The following NT5E variants were observed in gnomAD, a reference collection of about 807,000 sequenced individuals.
NT5E encodes 5'-nucleotidase.
NT5E carries 53 observed loss-of-function variants against 55.1 expected under a neutral mutation model. That is an observed-to-expected ratio of 0.96 (90% CI 0.77 to 1.21). The LOEUF (loss-of-function observed/expected upper bound fraction) is 1.21, where lower values mean the gene tolerates loss of function less well. Ranked by LOEUF, NT5E falls within the 50% of genes most tolerant of loss-of-function variation. The probability of loss-of-function intolerance (pLI) is 0.00; values close to 1 mark genes in which losing one functional copy is unlikely to be tolerated. For synonymous variants in NT5E, 270 were observed against 278.4 expected (o/e 0.97, Z 0.30); for missense variants, 683 against 724.3 (o/e 0.94, Z 0.65).
chr6:85,483,966 A>G lies in NT5E; in HGVS notation c.752-1269A>G, dbSNP rs138363528. ...AGTCTGCCTCCTCCCAACCCTCATC[A>G]CATACCAGCTGTGTGACCGTGGGTA... On this transcript the variant is annotated intron_variant, in intron 3 of 8. Coordinates refer to ENST00000257770, the MANE Select transcript of NT5E (RefSeq NM_002526.4). 2.2e-3 allele frequency among the ~76,000 whole-genome samples: 330 copies of G among 152,254 alleles called. 1 individual carries two copies. The highest frequency in any genetic ancestry group is 3.7e-3 in the Non-Finnish European group (250 of 68,024).
intron 1 of NT5E, among the ~76,000 whole-genome samples, chr6:85,456,153 A>G (rs1768986271): frequency 6.6e-6 from 1 of 152,112 alleles, no homozygotes; most frequent in African/African-American, 2.4e-5. Context: ...CCCCTAAACA[A>G]CCAGATTCAG....
chr6:85,466,161 C>A (rs1481761469), intron 1 of NT5E, among the ~76,000 whole-genome samples: 1 of 152,058 alleles, frequency 6.6e-6, no homozygotes, highest in African/African-American at 2.4e-5. Flanking sequence ...TGCATGGATT[C>A]CCTCCACTCC....
At chr6:85,473,879 C>A (rs538019117) in intron 3 of NT5E, among the ~76,000 whole-genome samples, 28 of 152,270 alleles carry the variant, frequency 1.8e-4, no homozygotes, top group African/African-American at 6.3e-4. Context: ...CCTGTGTTCC[C>A]CTTGACTTGT....
At chr6:85,492,422 T>C (rs1769805990) in intron 8 of NT5E, among the ~76,000 whole-genome samples, 1 of 152,222 alleles carries the variant, frequency 6.6e-6, no homozygotes, top group Admixed American at 6.5e-5. Context: ...GTTTTAAAAT[T>C]CTTTTAACTA....
At chr6:85,460,486 G>A (rs1225665267) in intron 1 of NT5E, among the ~76,000 whole-genome samples, 2 of 152,168 alleles carry the variant, frequency 1.3e-5, no homozygotes, top group Non-Finnish European at 2.9e-5. Context: ...AATGGTAGAG[G>A]TAATACTTTT....
rs1407548565 is a variant in NT5E at position 85,482,255 on chromosome 6, G to A, written c.752-2980G>A. ...CATGCCTATAAGCCCAGCACTTTTG[G>A]AGGCCAAGGCGAGAGGACTGCTTGA... is the stretch of plus-strand genomic sequence containing the variant. On this transcript the variant is annotated intron_variant, in intron 3 of 8. Coordinates refer to ENST00000257770, the MANE Select transcript of NT5E (RefSeq NM_002526.4). 5.3e-5 allele frequency among the ~76,000 whole-genome samples: 8 copies of A among 152,076 alleles called. No individual in the cohort carries two copies. The East Asian group carries it at 1.5e-3, about 29-fold the overall frequency.
intron 7 of NT5E, chr6:85,490,911 G>A (rs1241905479): frequency 3.6e-6 from 2 of 561,236 alleles, no homozygotes; most frequent in Non-Finnish European, 6.5e-6. Flanking sequence ...CATCAGATGG[G>A]CCCTCTAAGC....
chr6:85,483,794 C>T (rs1769594501), intron 3 of NT5E, among the ~76,000 whole-genome samples: 1 of 152,134 alleles, frequency 6.6e-6, no homozygotes, highest in African/African-American at 2.4e-5. Context: ...GAGCTTGGGA[C>T]ACAAAGATGC....
rs1440013305 is a variant in NT5E, at chr6:85,467,785, T to C, written c.562+503T>C. On this transcript the variant is annotated intron_variant, in intron 2 of 8. Coordinates refer to ENST00000257770, the MANE Select transcript of NT5E (RefSeq NM_002526.4). ...TATCTGACTTTCTGGGAAATATATATAGTGGTCTTATGATATATATGGATA... is the reference window on the plus strand; with the variant it reads ...TATCTGACTTTCTGGGAAATATATACAGTGGTCTTATGATATATATGGATA... 5.3e-5 allele frequency among the ~76,000 whole-genome samples: 8 copies of C among 152,066 alleles called. No individual in the cohort carries two copies. In the East Asian group the frequency reaches 1.5e-3, roughly 29 times the overall value.
chr6:85,450,352 C>A lies in NT5E; in HGVS notation c.213C>A (p.Ile71=). 1 of 1,593,930 alleles carries A rather than the reference C, an allele frequency of 6.3e-7. No homozygotes were observed. The highest frequency in any genetic ancestry group is 8.5e-7 in the Non-Finnish European group (1 of 1,171,576). Residue 71 remains isoleucine (I), a synonymous_variant, in exon 1 of 9, where the codon ATC becomes ATA. Coordinates refer to ENST00000257770, the MANE Select transcript of NT5E (RefSeq NM_002526.4). The surrounding 1 kb of genome is among the most constrained non-coding windows in gnomAD (Gnocchi z 4.0). ...VARLFTKVQQ[I]RRAEPNVLLL... Reference sequence around the variant, plus strand: ...GGCTCTTCACCAAGGTTCAGCAGATCCGCCGCGCCGAACCCAACGTGCTGC... The same window carrying A: ...GGCTCTTCACCAAGGTTCAGCAGATACGCCGCGCCGAACCCAACGTGCTGC...
At chr6:85,489,639 C>A in intron 6 of NT5E, 40 bp downstream of exon 6, 1 of 1,389,038 alleles carries the variant, frequency 7.2e-7, no homozygotes, top group South Asian at 1.2e-5. Context: ...GTCATGTTCT[C>A]TCTCTGATCT....
intron 3 of NT5E, among the ~76,000 whole-genome samples, chr6:85,481,570 G>A (rs1012400571): frequency 2.0e-5 from 3 of 152,138 alleles, no homozygotes; most frequent in Non-Finnish European, 4.4e-5. Flanking sequence ...CTTTACAGAT[G>A]AATAAACAAG....
rs76596867 is a variant in NT5E, at chr6:85,467,335, C to T, written c.562+53C>T. ...GCTTGAAAATAGATGCCCTAAATCA[C>T]AGCTTGGCATTATATTTATGGACTG... is the stretch of plus-strand genomic sequence containing the variant. On this transcript the variant is annotated intron_variant, in intron 2 of 8. Transcript: ENST00000257770. 2.3e-3 allele frequency: 3,320 copies of T among 1,425,602 alleles called. 48 individuals carry two copies. The African/African-American group carries it at 0.038, about 16-fold the overall frequency. The allele number at this position is 1,425,602 out of a possible 1,614,324, so 88.3% of individuals were successfully genotyped here. A position where few individuals can be genotyped will look rare whatever the true frequency, so the allele number is the denominator to read the frequency against.
chr6:85,473,386 T>C (rs1199191965), intron 3 of NT5E, among the ~76,000 whole-genome samples: 1 of 152,182 alleles, frequency 6.6e-6, no homozygotes, highest in Non-Finnish European at 1.5e-5. Context: ...GCTGTTCTTA[T>C]TTTAGTTATG....
rs577352571 is a variant in NT5E, at chr6:85,467,384, G to T, written c.562+102G>T. The T allele has an allele frequency of 5.4e-6, 5 of 925,712 alleles. No individual in the cohort carries two copies. The East Asian group carries it at 1.3e-4, about 24-fold the overall frequency. 57.3% of individuals were successfully genotyped at this position (925,712 alleles called of 1,614,324 possible). ...TGTAGATAAAAGTAGGAACAACTGG[G>T]TAAATAGTGCACTAGAATAACACTG... is the stretch of plus-strand genomic sequence containing the variant. On this transcript the variant is annotated intron_variant, in intron 2 of 8. Coordinates refer to ENST00000257770, the MANE Select transcript of NT5E (RefSeq NM_002526.4).
chr6:85,464,685 A>G (rs1769156807), intron 1 of NT5E, among the ~76,000 whole-genome samples: 1 of 152,228 alleles, frequency 6.6e-6, no homozygotes, highest in Non-Finnish European at 1.5e-5. Flanking sequence ...TCTGGCAGCA[A>G]TATAAAGAAT....
intron 1 of NT5E, among the ~76,000 whole-genome samples, chr6:85,454,509 T>C (rs182854195): frequency 3.3e-5 from 5 of 152,372 alleles, no homozygotes; most frequent in Admixed American, 2.6e-4. Context: ...TTGGTATTTT[T>C]TAAATTGGGT....
chr6:85,481,487 G>T (rs542341187), intron 3 of NT5E, among the ~76,000 whole-genome samples: 1 of 152,168 alleles, frequency 6.6e-6, no homozygotes, highest in African/African-American at 2.4e-5. Flanking sequence ...GTCGAGTCAG[G>T]CTTCACTTGC....
chr6:85,471,401 C>A lies in NT5E; in HGVS notation c.727C>A (p.His243Asn). The A allele has an allele frequency of 3.1e-6, 5 of 1,612,748 alleles. No individual in the cohort carries two copies. The highest frequency in any genetic ancestry group is 4.2e-6 in the Non-Finnish European group (5 of 1,179,122). Residue 243 changes from histidine (H) to asparagine (N), a missense_variant, in exon 3 of 9, where the codon CAC becomes AAC. Transcript: ENST00000257770. ...VRGVDVVVGG[H>N]SNTFLYTGNP... ...GGGTGTGGACGTCGTGGTGGGAGGACACTCCAACACATTTCTTTACACAGG... is the reference window on the plus strand; with the variant it reads ...GGGTGTGGACGTCGTGGTGGGAGGAAACTCCAACACATTTCTTTACACAGG...
Sources: gnomAD v4.1 joint callset for allele counts (sites outside exome capture counted in the v4.1 genomes callset) on GRCh38, gnomAD v4.1.1 for gene constraint, Gnocchi (gnomAD v3.1) non-coding constraint, MANE v1.5 for transcripts, NCBI Gene and HGNC (gene_info 2026-07-23, HGNC 2026-07-21) for gene names.